Variants in GAREM1 observed in about 807,000 individuals in gnomAD.
The protein encoded by GAREM1 is GRB2-associated and regulator of MAPK protein 1.
Under a neutral mutation model 71.3 loss-of-function variants are expected in GAREM1, and 26 were observed. That is an observed-to-expected ratio of 0.36 (90% CI 0.27 to 0.51). GAREM1 has a LOEUF of 0.51. Among genes scored for constraint, GAREM1 ranks in the 20% least tolerant of loss-of-function variants. GAREM1 has a pLI of 0.95. For synonymous variants in GAREM1, 440 were observed against 433.2 expected, an observed-to-expected ratio of 1.02 and a Z score of -0.20; for missense variants, 1,026 against 1,103.1, an observed-to-expected ratio of 0.93 and a Z score of 0.99.
In GAREM1 at chr18:32,358,402, C is replaced by T. The variant is rs75827161; in HGVS notation, c.262+34493G>A. ...TAGTTCTCTCTGTGTACTCATTCACCGGGGTCTCCTCACACCTCAGGGCCA... is the reference window on the plus strand; with the variant it reads ...TAGTTCTCTCTGTGTACTCATTCACTGGGGTCTCCTCACACCTCAGGGCCA... On this transcript the variant is annotated intron_variant, in intron 2 of 5. Transcript: ENST00000269209. Among the ~76,000 whole-genome samples, 642 of 152,082 alleles carry T rather than the reference C, an allele frequency of 4.2e-3. 4 individuals are homozygous for T. Among genetic ancestry groups the T allele is most frequent in the Middle Eastern group, 0.017 (5 of 294 alleles).
At chr18:32,391,333 G>A (rs1302113693) in intron 2 of GAREM1, among the ~76,000 whole-genome samples, 3 of 152,152 alleles carry the variant, frequency 2.0e-5, no homozygotes, top group East Asian at 1.9e-4. Flanking sequence ...ACCAGCCTCT[G>A]GAAAGCATTC....
intron 2 of GAREM1, among the ~76,000 whole-genome samples, chr18:32,360,498 G>A (rs2047855340): frequency 6.6e-6 from 1 of 152,094 alleles, no homozygotes. Context: ...GTGGTCACCT[G>A]GGAAGCCTAC....
At chr18:32,381,547 C>G (rs1348508332) in intron 2 of GAREM1, among the ~76,000 whole-genome samples, 1 of 152,094 alleles carries the variant, frequency 6.6e-6, no homozygotes, top group African/African-American at 2.4e-5. Flanking sequence ...TGAACATCTC[C>G]CTCCCAGCCT....
intron 2 of GAREM1, among the ~76,000 whole-genome samples, chr18:32,360,486 A>G (rs745800151): frequency 3.3e-5 from 5 of 152,054 alleles, no homozygotes; most frequent in Non-Finnish European, 7.4e-5. Context: ...TTTCACTGCA[A>G]CGTGGTCACC....
chr18:32,286,070 G>A (rs942255846), intron 4 of GAREM1, among the ~76,000 whole-genome samples: 1 of 152,120 alleles, frequency 6.6e-6, no homozygotes, highest in Admixed American at 6.5e-5. Context: ...AATAGATACT[G>A]TCAAATAAAT....
chr18:32,355,545 AAG>A (rs1290496430), intron 2 of GAREM1, among the ~76,000 whole-genome samples: 2 of 152,212 alleles, frequency 1.3e-5, no homozygotes, highest in Non-Finnish European at 2.9e-5. Context: ...CATCACTAAA[AAG>A]AGTGAAACAA....
At chr18:32,415,014 A>G (rs1230411142) in intron 1 of GAREM1, among the ~76,000 whole-genome samples, 4 of 152,140 alleles carry the variant, frequency 2.6e-5, no homozygotes, top group Admixed American at 6.6e-5. Context: ...TGAAATAAAA[A>G]AAGGAGATAT....
chr18:32,294,462 TC>T (rs1255004451), intron 3 of GAREM1, among the ~76,000 whole-genome samples: 1 of 152,216 alleles, frequency 6.6e-6, no homozygotes, highest in African/African-American at 2.4e-5. Context: ...ATTTGCCTTT[TC>T]CAGATAAACT....
At chr18:32,435,102 C>G (rs917561303) in intron 1 of GAREM1, among the ~76,000 whole-genome samples, 1 of 151,902 alleles carries the variant, frequency 6.6e-6, no homozygotes, top group Admixed American at 6.6e-5. Context: ...AAATCCAAAC[C>G]GAATGTCATT....
At chr18:32,397,285 C>A (rs993298635) in intron 1 of GAREM1, among the ~76,000 whole-genome samples, 1 of 152,148 alleles carries the variant, frequency 6.6e-6, no homozygotes, top group Non-Finnish European at 1.5e-5. Context: ...ATGACAGGAT[C>A]AAATTCACAT....
At chr18:32,282,605 A>T (rs1024418313) in intron 4 of GAREM1, among the ~76,000 whole-genome samples, 40 of 152,006 alleles carry the variant, frequency 2.6e-4, no homozygotes, top group African/African-American at 8.9e-4. Context: ...GCACGATCTC[A>T]GCTCACTGTT....
chr18:32,287,259 C>T lies in GAREM1; in HGVS notation c.1338G>A (p.Pro446=), dbSNP rs776614550. The change falls in exon 4 of 6, where the codon CCG becomes CCA. Residue 446 remains proline (P), a synonymous_variant. Transcript: ENST00000269209. This position sits in a 1 kb window ranked among gnomAD's most constrained non-coding sequence, Gnocchi z 5.9. ...PEASEESAGI[P]GKSELPYEEL... is the part of the protein sequence containing the mutation. Reference sequence around the variant, plus strand: ...CTTCGTAGGGAAGTTCTGACTTTCCCGGGATGCCTGCTGATTCTTCACTAG... The same window carrying T: ...CTTCGTAGGGAAGTTCTGACTTTCCTGGGATGCCTGCTGATTCTTCACTAG... The T allele has an allele frequency of 1.6e-5, 26 of 1,614,044 alleles. No homozygotes were observed. The highest frequency in any genetic ancestry group is 1.6e-4 in the East Asian group (7 of 44,900).
intron 2 of GAREM1, among the ~76,000 whole-genome samples, chr18:32,368,378 C>A (rs1027368778): frequency 6.6e-6 from 1 of 152,300 alleles, no homozygotes. Context: ...CATATTATTT[C>A]ACAACTTTAT....
chr18:32,286,996 G>T (rs768256554), intron 4 of GAREM1, 35 bp downstream of exon 4: 3 of 1,437,196 alleles, frequency 2.1e-6, no homozygotes, highest in Non-Finnish European at 2.9e-6. Context: ...GAGACAGAAA[G>T]ACTGGCACCG....
At chr18:32,288,229 C>T (rs371946503) in intron 3 of GAREM1, 26 bp from the exon 4 acceptor site, 78 of 1,531,752 alleles carry the variant, frequency 5.1e-5, no homozygotes, top group Non-Finnish European at 6.0e-5. Context: ...TCACATTTTA[C>T]GTTCATTTCC....
chr18:32,468,009 G>C (rs1319583415), intron 1 of GAREM1, among the ~76,000 whole-genome samples: 1 of 152,140 alleles, frequency 6.6e-6, no homozygotes, highest in East Asian at 1.9e-4. Context: ...AATCAAATTA[G>C]AAGAGAATTT....
Position 32,324,092 on chromosome 18 carries a change from A to C in GAREM1, c.263-13769T>G, listed in dbSNP as rs1271239560. ...AGATGGACAAAAGATTGACATATGC[A>C]ACACAAACAGACCCTAAAGCTACGC... On this transcript the variant is annotated intron_variant, in intron 2 of 5. Coordinates refer to ENST00000269209, the MANE Select transcript of GAREM1 (RefSeq NM_001242409.2). Among the ~76,000 whole-genome samples, 4 of 152,354 alleles carry C rather than the reference A, an allele frequency of 2.6e-5. No individual in the cohort carries two copies. In the East Asian group the frequency reaches 7.7e-4, roughly 29 times the overall value.
At chr18:32,463,640 G>A (rs969105719) in intron 1 of GAREM1, among the ~76,000 whole-genome samples, 1 of 147,200 alleles carries the variant, frequency 6.8e-6, no homozygotes. Context: ...TGTGATCTCA[G>A]CTCACTGCAA....
At chr18:32,354,274 G>A (rs181432775) in intron 2 of GAREM1, among the ~76,000 whole-genome samples, 17 of 152,168 alleles carry the variant, frequency 1.1e-4, no homozygotes, top group Admixed American at 9.2e-4. Context: ...AAGTATGAAC[G>A]CATCATACTT....
Sources: gnomAD v4.1 joint callset for allele counts (sites outside exome capture counted in the v4.1 genomes callset) on GRCh38, gnomAD v4.1.1 for gene constraint, Gnocchi (gnomAD v3.1) non-coding constraint, MANE v1.5 for transcripts, NCBI Gene and HGNC (gene_info 2026-07-23, HGNC 2026-07-21) for gene names.